CNTNAP5: variants seen among roughly 807,000 people sequenced by gnomAD.
CNTNAP5 encodes the protein contactin associated protein family member 5, also known as contactin-associated protein-like 5.
In CNTNAP5, 72 loss-of-function variants were observed where a neutral mutation model predicts 150.2. That is an observed-to-expected ratio of 0.48 (90% CI 0.40 to 0.58). The LOEUF (loss-of-function observed/expected upper bound fraction) is 0.58. Ranked by LOEUF, CNTNAP5 falls within the 20% of genes least tolerant of loss-of-function variation. The probability of loss-of-function intolerance (pLI) is 0.00; values close to 1 mark genes in which losing one functional copy is unlikely to be tolerated. For synonymous variants in CNTNAP5, 672 were observed against 619.8 expected, an observed-to-expected ratio of 1.08 and a Z score of -1.25; for missense variants, 1,636 against 1,626.2, an observed-to-expected ratio of 1.01 and a Z score of -0.10.
chr2:124,385,977 G>C (rs1013936162), intron 3 of CNTNAP5, among the ~76,000 whole-genome samples: 27 of 150,892 alleles, frequency 1.8e-4, no homozygotes, highest in African/African-American at 6.0e-4. Context: ...ATAATGTTGA[G>C]CACGTAGACA....
At chr2:124,678,413 A>T (rs368607147) in intron 13 of CNTNAP5, among the ~76,000 whole-genome samples, 1 of 151,704 alleles carries the variant, frequency 6.6e-6, no homozygotes. Flanking sequence ...CTCTCTGCTA[A>T]TACCTAACTA....
intron 13 of CNTNAP5, among the ~76,000 whole-genome samples, chr2:124,701,848 C>A (rs1179482377): frequency 6.6e-6 from 1 of 151,844 alleles, no homozygotes; most frequent in Non-Finnish European, 1.5e-5. Context: ...TGTTTTTGCC[C>A]ATATTTTAAT....
At chr2:124,777,376 G>A (rs934036813) in intron 17 of CNTNAP5, among the ~76,000 whole-genome samples, 4 of 151,880 alleles carry the variant, frequency 2.6e-5, no homozygotes, top group African/African-American at 9.7e-5. Flanking sequence ...TTTTCTACTC[G>A]CTATTATATA....
At chr2:124,600,854 A>C (rs546178666) in intron 11 of CNTNAP5, among the ~76,000 whole-genome samples, 1 of 152,276 alleles carries the variant, frequency 6.6e-6, no homozygotes, top group African/African-American at 2.4e-5. Context: ...GAATAGGAAC[A>C]GGTAACAGAT....
intron 7 of CNTNAP5, among the ~76,000 whole-genome samples, chr2:124,494,391 A>G (rs1301736920): frequency 6.6e-6 from 1 of 152,086 alleles, no homozygotes; most frequent in Admixed American, 6.6e-5. Context: ...CAGCTCCTGC[A>G]GATAGATGAA....
intron 3 of CNTNAP5, among the ~76,000 whole-genome samples, chr2:124,260,245 G>A (rs111298190): frequency 0.02 from 3,111 of 152,112 alleles, 108 homozygotes; most frequent in African/African-American, 0.069. Context: ...TTGACAAACC[G>A]GACAAGAACT....
intron 8 of CNTNAP5, among the ~76,000 whole-genome samples, chr2:124,508,928 A>T (rs1503997): frequency 0.85 from 129,519 of 152,270 alleles, 55,255 homozygotes; most frequent in East Asian, 1. Context: ...ATTGGCTTTA[A>T]AAGAAGATGA....
At chr2:124,854,531 T>C (rs1005500163) in intron 19 of CNTNAP5, among the ~76,000 whole-genome samples, 3 of 152,348 alleles carry the variant, frequency 2.0e-5, no homozygotes, top group African/African-American at 7.2e-5. Flanking sequence ...AACTAGATTA[T>C]AAGGTCTTTG....
chr2:124,604,366 A>G (rs1364153379), intron 11 of CNTNAP5, among the ~76,000 whole-genome samples: 4 of 152,166 alleles, frequency 2.6e-5, no homozygotes, highest in Admixed American at 2.6e-4. Flanking sequence ...TTTATATTTT[A>G]AATTTTTTTG....
chr2:124,410,885 A>G (rs1691738965), intron 3 of CNTNAP5, among the ~76,000 whole-genome samples: 1 of 151,648 alleles, frequency 6.6e-6, no homozygotes, highest in African/African-American at 2.4e-5. Flanking sequence ...AAATCAGAGC[A>G]GAACTGAAGG....
intron 1 of CNTNAP5, among the ~76,000 whole-genome samples, chr2:124,126,114 A>G (rs1241327137): frequency 2.0e-5 from 3 of 152,330 alleles, no homozygotes; most frequent in Non-Finnish European, 4.4e-5. Flanking sequence ...AAAAAAATCA[A>G]TGAATTCAGG....
chr2:124,433,151 G>A (rs947988373), intron 4 of CNTNAP5, among the ~76,000 whole-genome samples: 1 of 152,132 alleles, frequency 6.6e-6, no homozygotes, highest in African/African-American at 2.4e-5. Flanking sequence ...ATGAGTGGTG[G>A]CAGCTGTTGG....
chr2:124,306,653 C>G (rs1688697223), intron 3 of CNTNAP5, among the ~76,000 whole-genome samples: 1 of 151,926 alleles, frequency 6.6e-6, no homozygotes, highest in Non-Finnish European at 1.5e-5. Flanking sequence ...CAATCTCTAC[C>G]CCAGAACACA....
At chr2:124,088,219 C>T (rs1433990951) in intron 1 of CNTNAP5, among the ~76,000 whole-genome samples, 7 of 152,130 alleles carry the variant, frequency 4.6e-5, no homozygotes, top group South Asian at 2.1e-4. Flanking sequence ...GCTATTAAGA[C>T]TATCAAGCCT....
In CNTNAP5 at chr2:124,725,280, G is replaced by A. The variant is rs193055111; in HGVS notation, c.2078-21949G>A. On this transcript the variant is annotated intron_variant, in intron 13 of 23. Coordinates refer to ENST00000682447, the MANE Select transcript of CNTNAP5 (RefSeq NM_001367498.1). ...CATTTATACTTTATAACAGATGCAGGGATTGTTATTTTTTTCCAGCTTTAT... is the reference window on the plus strand; with the variant it reads ...CATTTATACTTTATAACAGATGCAGAGATTGTTATTTTTTTCCAGCTTTAT... Among the ~76,000 whole-genome samples, 366 of 151,530 alleles carry A rather than the reference G, an allele frequency of 2.4e-3. 1 individual carries two copies. Among genetic ancestry groups the A allele is most frequent in the African/African-American group, 8.4e-3 (345 of 41,270 alleles).
intron 10 of CNTNAP5, among the ~76,000 whole-genome samples, chr2:124,544,721 C>T (rs932743254): frequency 1.3e-5 from 2 of 152,200 alleles, no homozygotes; most frequent in South Asian, 2.1e-4. Flanking sequence ...CAGGGTTAGA[C>T]ACTCTGCTAG....
chr2:124,520,627 C>A (rs192921505), intron 8 of CNTNAP5, among the ~76,000 whole-genome samples: 1 of 152,258 alleles, frequency 6.6e-6, no homozygotes, highest in African/African-American at 2.4e-5. Flanking sequence ...GTTTCTGGAA[C>A]CCAAATCCCA....
rs76692063 is a variant in CNTNAP5 at position 124,708,628 on chromosome 2, T to C, written c.2078-38601T>C. Among the ~76,000 whole-genome samples, 683 of 152,294 alleles carry C rather than the reference T, an allele frequency of 4.5e-3. 3 individuals are homozygous for C. Among genetic ancestry groups the C allele is most frequent in the African/African-American group, 0.015 (638 of 41,580 alleles). On this transcript the variant is annotated intron_variant, in intron 13 of 23. Transcript: ENST00000682447. The stretch of plus-strand genomic sequence containing the variant: ...GTGTTGTGACAGACATTGGCATTTA[T>C]GTGTCTTTGCTGGAGCTGCAGTTCT...
intron 5 of CNTNAP5, among the ~76,000 whole-genome samples, chr2:124,443,887 A>C (rs1692738698): frequency 6.6e-6 from 1 of 151,360 alleles, no homozygotes; most frequent in African/African-American, 2.4e-5. Context: ...AATGTTTAAT[A>C]TTTGGACTTA....
Sources: gnomAD v4.1 joint callset for allele counts (sites outside exome capture counted in the v4.1 genomes callset) on GRCh38, gnomAD v4.1.1 for gene constraint, MANE v1.5 for transcripts, NCBI Gene and HGNC (gene_info 2026-07-23, HGNC 2026-07-21) for gene names.